The following PLSCR3 variants were observed in gnomAD, a reference collection of about 807,000 sequenced individuals.
PLSCR3 encodes the protein PL scramblase 3.
In PLSCR3, 17 loss-of-function variants were observed where a neutral mutation model predicts 33.7. That is an observed-to-expected ratio of 0.50 (90% CI 0.35 to 0.76). The LOEUF is 0.76. Among genes scored for constraint, PLSCR3 ranks in the 30% least tolerant of loss-of-function variants. The pLI, the probability that PLSCR3 is intolerant of heterozygous loss-of-function variation, is 0.01. For missense variants in PLSCR3, 360 were observed against 394.1 expected, an observed-to-expected ratio of 0.91 and a Z score of 0.73; for synonymous variants, 166 against 166.0, an observed-to-expected ratio of 1.00 and a Z score of 0.00.
At position 7,391,913 on chromosome 17, in the gene PLSCR3, C is replaced by T. The variant is rs533947985; in HGVS notation, c.669+878G>A. Among the ~76,000 whole-genome samples the T allele has an allele frequency of 2.6e-5, 4 of 152,322 alleles. No individual in the cohort carries two copies. Among genetic ancestry groups the T allele is most frequent in the African/African-American group, 4.8e-5 (2 of 41,570 alleles). On this transcript the variant is annotated intron_variant, in intron 6 of 7. Transcript: ENST00000619711. The surrounding 1 kb of genome is among the most constrained non-coding windows in gnomAD (Gnocchi z 4.1). ...AAAGAACTCAAGGGTCGGTCAGGTGCGGTGGCTCACGCCTGTAATCCCAGC... is the reference window on the plus strand; with the variant it reads ...AAAGAACTCAAGGGTCGGTCAGGTGTGGTGGCTCACGCCTGTAATCCCAGC...
In PLSCR3 at chr17:7,390,292, A is replaced by T. The variant is rs114731648; in HGVS notation, c.*93T>A. On this transcript the variant is annotated 3_prime_UTR_variant, in exon 8 of 8. Transcript: ENST00000619711. ...CCCCCTTCTGTCCCCTGCAGTGTAC[A>T]TGGAGGAAAGGGGCTGCCCAGAGGA... The T allele has an allele frequency of 2.5e-4, 253 of 1,001,326 alleles. 1 individual carries two copies. The African/African-American group carries it at 3.8e-3, about 15-fold the overall frequency. 62.0% of individuals were successfully genotyped at this position (1,001,326 alleles called of 1,614,324 possible).
In PLSCR3 at chr17:7,390,453, C is replaced by T. The variant is rs867627072; in HGVS notation, c.832-12G>A. The T allele has an allele frequency of 9.4e-6, 15 of 1,589,396 alleles. No homozygotes were observed. The highest frequency in any genetic ancestry group is 9.4e-5 in the African/African-American group (7 of 74,568). ...AAGAACATGTAGTCCTAAGAGGAGG[C>T]CACTGTCAATGGGAGATCCGGCTGG... On this transcript the variant is annotated splice_polypyrimidine_tract_variant and intron_variant, in intron 7 of 7. Coordinates refer to ENST00000619711, the MANE Select transcript of PLSCR3 (RefSeq NM_020360.4).
At position 7,393,588 on chromosome 17, in the gene PLSCR3, C is replaced by T; in HGVS notation, c.243+13G>A. 2 of 1,613,556 alleles carry T rather than the reference C, an allele frequency of 1.2e-6. No homozygotes were observed. Among genetic ancestry groups the T allele is most frequent in the South Asian group, 2.2e-5 (2 of 91,086 alleles). ...CCCCTCCCAGTCATCCTCCCTCCCT[C>T]CTTCCCACTCACCTGCACCAGGAAT... On this transcript the variant is annotated intron_variant, in intron 3 of 7. Coordinates refer to ENST00000619711, the MANE Select transcript of PLSCR3 (RefSeq NM_020360.4).
At position 7,390,383 on chromosome 17, in the gene PLSCR3, C is replaced by G. The variant is rs930765760; in HGVS notation, c.*2G>C. ...GATGGTCTCCTCACACCATGGTGGC[C>G]TCTAACTGGTGACGGCAGAGGGCCC... is the stretch of plus-strand genomic sequence containing the variant. On this transcript the variant is annotated 3_prime_UTR_variant, in exon 8 of 8. Coordinates refer to ENST00000619711, the MANE Select transcript of PLSCR3 (RefSeq NM_020360.4). 3 of 1,549,532 alleles carry G rather than the reference C, an allele frequency of 1.9e-6. No individual in the cohort carries two copies. The African/African-American group carries it at 4.1e-5, about 21-fold the overall frequency.
chr17:7,390,524 C>T (rs1290386742), intron 7 of PLSCR3, 83 bp from the exon 8 acceptor site: 1 of 1,561,374 alleles, frequency 6.4e-7, no homozygotes, highest in Non-Finnish European at 8.8e-7. Context: ...AACCTCAACC[C>T]CCACAACACC....
Position 7,393,255 on chromosome 17 carries a change from G to A in PLSCR3, c.396C>T (p.Gly132=), listed in dbSNP as rs746684992. 1.0e-5 allele frequency: 16 copies of A among 1,596,962 alleles called. No homozygotes were observed. The highest frequency in any genetic ancestry group is 6.9e-5 in the Admixed American group (4 of 57,934). ...GGCGGACACGCAGCGGCCGGCGGGC[G>A]CCACAGCACAGACGGGCGCAGCAGT... ...ESNCCARLCC[G]ARRPLRVRLA... is the part of the protein sequence containing the mutation. The change falls in exon 5 of 8, where the codon GGC becomes GGT. Residue 132 remains glycine, a synonymous_variant. Transcript: ENST00000619711.
rs1905696376 is a variant in PLSCR3 at position 7,391,523 on chromosome 17, CCAGTGATTAGAACTG to C, written c.670-743_670-729del. 6.6e-6 allele frequency among the ~76,000 whole-genome samples: 1 copy of C among 152,200 alleles called. No homozygotes were observed. The highest frequency in any genetic ancestry group is 2.1e-4 in the South Asian group (1 of 4,832). ...CTGGTCCTTTTCCTGTGCTCGTTCT[CCAGTGATTAGAACTG>C]CAGTGATTTCCTTTTGTGCCATTCC... On this transcript the variant is annotated intron_variant, in intron 6 of 7. Transcript: ENST00000619711. This position sits in a 1 kb window ranked among gnomAD's most constrained non-coding sequence, Gnocchi z 4.1.
At chr17:7,393,110 A>AGG in intron 5 of PLSCR3, 34 bp downstream of exon 5, 42 of 1,336,642 alleles carry the variant, frequency 3.1e-5, no homozygotes, top group Non-Finnish European at 3.9e-5. Flanking sequence ...CGCCCCACCA[A>AGG]GGCCCGCCCT....
rs1243881044 is a variant in PLSCR3 at position 7,393,519 on chromosome 17, G to A, written c.244-10C>T. 6.2e-7 allele frequency: 1 copy of A among 1,614,150 alleles called. No individual in the cohort carries two copies. On this transcript the variant is annotated splice_polypyrimidine_tract_variant and intron_variant, in intron 3 of 7. Transcript: ENST00000619711. ...TCAAAATCTGATCAATCTGGAAAGAGAGGGGCGGCGCGCACATCAGCTGGC... is the reference window on the plus strand; with the variant it reads ...TCAAAATCTGATCAATCTGGAAAGAAAGGGGCGGCGCGCACATCAGCTGGC...
Position 7,393,414 on chromosome 17 carries a change from CCCACCATCCGGG to C in PLSCR3, c.286+41_287-51del, listed in dbSNP as rs756740571. ...TCGTAGAGCCTCGCGCGCCCAGGAG[CCCACCATCCGGG>C]CCACCATCATGAGGTCCAACCTCCC... On this transcript the variant is annotated intron_variant, in intron 4 of 7. Coordinates refer to ENST00000619711, the MANE Select transcript of PLSCR3 (RefSeq NM_020360.4). 30 of 1,612,500 alleles carry C rather than the reference CCCACCATCCGGG, an allele frequency of 1.9e-5. No homozygotes were observed. In the East Asian group the frequency reaches 6.7e-4, roughly 36 times the overall value.
In PLSCR3 at chr17:7,391,297, A is replaced by G. The variant is rs113683922; in HGVS notation, c.670-502T>C. Reference sequence around the variant, plus strand: ...CTAGAAGGCTATGTCTACCCCGAAGAGTACCTTTTCTCTAATCTGCAAAGT... The same window carrying G: ...CTAGAAGGCTATGTCTACCCCGAAGGGTACCTTTTCTCTAATCTGCAAAGT... On this transcript the variant is annotated intron_variant, in intron 6 of 7. Coordinates refer to ENST00000619711, the MANE Select transcript of PLSCR3 (RefSeq NM_020360.4). The surrounding 1 kb of genome is among the most constrained non-coding windows in gnomAD (Gnocchi z 4.1). 0.032 allele frequency among the ~76,000 whole-genome samples: 4,844 copies of G among 152,316 alleles called. 259 individuals carry two copies. Among genetic ancestry groups the G allele is most frequent in the African/African-American group, 0.11 (4,512 of 41,546 alleles).
Position 7,394,251 on chromosome 17 carries a change from T to A in PLSCR3, c.-141A>T. 2.8e-6 allele frequency: 2 copies of A among 722,782 alleles called. No individual in the cohort carries two copies. Among genetic ancestry groups the A allele is most frequent in the South Asian group, 2.0e-5 (1 of 51,056 alleles). The allele number at this position is 722,782 out of a possible 1,614,324, so 44.8% of individuals were successfully genotyped here. A position where few individuals can be genotyped will look rare whatever the true frequency, so the allele number is the denominator to read the frequency against. On this transcript the variant is annotated 5_prime_UTR_variant, in exon 2 of 8. Transcript: ENST00000619711. The surrounding 1 kb of genome is among the most constrained non-coding windows in gnomAD (Gnocchi z 5.3). ...AGCTGCGCCCGGCGCCGGCCCAGGG[T>A]CTCTTGGGCGGCGCCTCTGACTCGG...
rs766969335 is a variant in PLSCR3, at chr17:7,393,584, C to T, written c.243+17G>A. 3.7e-5 allele frequency: 59 copies of T among 1,613,400 alleles called. No homozygotes were observed. The highest frequency in any genetic ancestry group is 4.7e-5 in the Non-Finnish European group (55 of 1,179,824). ...AAGTCCCCTCCCAGTCATCCTCCCT[C>T]CCTCCTTCCCACTCACCTGCACCAG... On this transcript the variant is annotated intron_variant, in intron 3 of 7. Coordinates refer to ENST00000619711, the MANE Select transcript of PLSCR3 (RefSeq NM_020360.4).
In PLSCR3 at chr17:7,390,358, G is replaced by A. The variant is rs960668365; in HGVS notation, c.*27C>T. On this transcript the variant is annotated 3_prime_UTR_variant, in exon 8 of 8. Coordinates refer to ENST00000619711, the MANE Select transcript of PLSCR3 (RefSeq NM_020360.4). ...GACCATCTGGAGTTCTGGTCGAGGT[G>A]ATGGTCTCCTCACACCATGGTGGCC... 1 of 1,514,066 alleles carries A rather than the reference G, an allele frequency of 6.6e-7. No individual in the cohort carries two copies. Among genetic ancestry groups the A allele is most frequent in the African/African-American group, 1.4e-5 (1 of 72,264 alleles). The allele number at this position is 1,514,066 out of a possible 1,614,324, so 93.8% of individuals were successfully genotyped here. A position where few individuals can be genotyped will look rare whatever the true frequency, so the allele number is the denominator to read the frequency against.
rs1431384156 is a variant in PLSCR3 at position 7,389,894 on chromosome 17, C to T, written c.*491G>A. 1 of 156,086 alleles carries T rather than the reference C, an allele frequency of 6.4e-6. No individual in the cohort carries two copies. Among genetic ancestry groups the T allele is most frequent in the Non-Finnish European group, 1.4e-5 (1 of 70,536 alleles). The allele number at this position is 156,086 out of a possible 1,614,324, so 9.7% of individuals were successfully genotyped here. ...GAGAGGAAGTTGGCACTGGGGTCCC[C>T]CTGCAGCTGTTGATGGGGAGGTAGA... On this transcript the variant is annotated 3_prime_UTR_variant, in exon 8 of 8. Transcript: ENST00000619711.
In PLSCR3 at chr17:7,393,239, G is replaced by T; in HGVS notation, c.412C>A (p.Arg138Ser). 1 of 1,590,338 alleles carries T rather than the reference G, an allele frequency of 6.3e-7. No homozygotes were observed. The change falls in exon 5 of 8, where the codon CGT becomes AGT. Residue 138 changes from arginine (R) to serine (S), a missense_variant. Arg to Ser is a moderately radical substitution (Grantham distance 110). Transcript: ENST00000619711. Reference sequence around the variant, plus strand: ...TCCCCGGGGTCGGCCAGGCGGACACGCAGCGGCCGGCGGGCGCCACAGCAC... The same window carrying T: ...TCCCCGGGGTCGGCCAGGCGGACACTCAGCGGCCGGCGGGCGCCACAGCAC... ...RLCCGARRPL[R>S]VRLADPGDRE...
At chr17:7,393,414 CCCA>C (rs764756063) in intron 4 of PLSCR3, 50 bp from the exon 5 acceptor site, 1 of 1,612,618 alleles carries the variant, frequency 6.2e-7, no homozygotes, top group Non-Finnish European at 8.5e-7. Flanking sequence ...CGCCCAGGAG[CCCA>C]CCATCCGGGC....
Position 7,390,122 on chromosome 17 carries a change from A to T in PLSCR3, c.*263T>A, listed in dbSNP as rs1905533179. ...CCTGGAAGGGGGTGGGAGAGAGTGC[A>T]TGGGGAAAGTGTGAAAGCTGATATG... On this transcript the variant is annotated 3_prime_UTR_variant, in exon 8 of 8. Coordinates refer to ENST00000619711, the MANE Select transcript of PLSCR3 (RefSeq NM_020360.4). 1 of 409,778 alleles carries T rather than the reference A, an allele frequency of 2.4e-6. No homozygotes were observed. Among genetic ancestry groups the T allele is most frequent in the Non-Finnish European group, 4.4e-6 (1 of 226,314 alleles). The allele number at this position is 409,778 out of a possible 1,614,324, so 25.4% of individuals were successfully genotyped here. A position where few individuals can be genotyped will look rare whatever the true frequency, so the allele number is the denominator to read the frequency against.
chr17:7,390,869 A>G (rs899001068), intron 6 of PLSCR3, 74 bp from the exon 7 acceptor site: 7 of 1,483,834 alleles, frequency 4.7e-6, no homozygotes, highest in Non-Finnish European at 6.5e-6. Context: ...TCTCATTCCC[A>G]CAGTCGCACG....
Sources: gnomAD v4.1 joint callset for allele counts (sites outside exome capture counted in the v4.1 genomes callset) on GRCh38, gnomAD v4.1.1 for gene constraint, Gnocchi (gnomAD v3.1) non-coding constraint, MANE v1.5 for transcripts, NCBI Gene and HGNC (gene_info 2026-07-23, HGNC 2026-07-21) for gene names.